TMEM243: variants seen among roughly 807,000 people sequenced by gnomAD.
TMEM243 encodes transmembrane protein 243.
Under a neutral mutation model 15.0 loss-of-function variants are expected in TMEM243, and 20 were observed. That is an observed-to-expected ratio of 1.33 (90% CI 0.94 to 1.93). The LOEUF is 1.93. Among genes scored for constraint, TMEM243 ranks in the 30% most tolerant of loss-of-function variants. The pLI, the probability that TMEM243 is intolerant of heterozygous loss-of-function variation, is 0.00. For synonymous variants in TMEM243, 72 were observed against 52.7 expected, an observed-to-expected ratio of 1.37 and a Z score of -1.59; for missense variants, 156 against 142.1, an observed-to-expected ratio of 1.10 and a Z score of -0.50.
intron 3 of TMEM243, chr7:87,197,688 ATTTTTTTT>A (rs71906317): frequency 2.7e-5 from 27 of 982,070 alleles, no homozygotes; most frequent in East Asian, 9.5e-5. Flanking sequence ...CTTTCCACTA[ATTTTTTTT>A]TTTTTTTTTT....
chr7:87,202,026 A>G (rs992558507), intron 1 of TMEM243, among the ~76,000 whole-genome samples: 2 of 152,232 alleles, frequency 1.3e-5, no homozygotes, highest in African/African-American at 2.4e-5. Flanking sequence ...ATACATGAAC[A>G]TAAAGACAGA....
At chr7:87,213,934 C>T (rs1239593801) in intron 1 of TMEM243, among the ~76,000 whole-genome samples, 1 of 152,176 alleles carries the variant, frequency 6.6e-6, no homozygotes, top group Non-Finnish European at 1.5e-5. Context: ...TATGTACCTT[C>T]TCCCCAAATC....
chr7:87,198,964 A>G, intron 2 of TMEM243, 43 bp downstream of exon 2: 1 of 1,512,078 alleles, frequency 6.6e-7, no homozygotes, highest in South Asian at 1.3e-5. Flanking sequence ...AGTTTTCAAA[A>G]CTGGCTAAGA....
intron 1 of TMEM243, among the ~76,000 whole-genome samples, chr7:87,204,812 G>A (rs1802087056): frequency 1.3e-5 from 2 of 152,202 alleles, no homozygotes; most frequent in Non-Finnish European, 2.9e-5. Context: ...GGAGGATGGT[G>A]GCCTTCTCAC....
Position 87,219,713 on chromosome 7 carries a change from G to T in TMEM243, c.-210C>A, listed in dbSNP as rs916529815. On this transcript the variant is annotated 5_prime_UTR_variant, in exon 1 of 4. Transcript: ENST00000257637. Reference sequence around the variant, plus strand: ...CCGGCCCCGCGCACCTCCTCATCTTGAGCAGCTGCCGCAGGAAGTGAAAGG... The same window carrying T: ...CCGGCCCCGCGCACCTCCTCATCTTTAGCAGCTGCCGCAGGAAGTGAAAGG... 1 of 580,390 alleles carries T rather than the reference G, an allele frequency of 1.7e-6. No homozygotes were observed. 36.0% of individuals were successfully genotyped at this position (580,390 alleles called of 1,614,324 possible).
At chr7:87,213,712 T>C (rs1802915988) in intron 1 of TMEM243, among the ~76,000 whole-genome samples, 1 of 152,170 alleles carries the variant, frequency 6.6e-6, no homozygotes, top group Admixed American at 6.5e-5. Context: ...GGCCAAATGC[T>C]CCAAGTTTGA....
chr7:87,201,553 A>G (rs1426835241), intron 1 of TMEM243, among the ~76,000 whole-genome samples: 1 of 152,204 alleles, frequency 6.6e-6, no homozygotes, highest in Non-Finnish European at 1.5e-5. Flanking sequence ...CAGCTCTTCT[A>G]GCTCCCAATC....
chr7:87,208,369 A>C (rs751834793), intron 1 of TMEM243, among the ~76,000 whole-genome samples: 11 of 152,234 alleles, frequency 7.2e-5, no homozygotes, highest in Non-Finnish European at 1.6e-4. Context: ...GCCCCATGCA[A>C]ATCCAAAAAC....
At chr7:87,207,953 CT>C (rs1802348446) in intron 1 of TMEM243, among the ~76,000 whole-genome samples, 2 of 152,122 alleles carry the variant, frequency 1.3e-5, no homozygotes, top group Non-Finnish European at 2.9e-5. Flanking sequence ...GCTCATGAGA[CT>C]TATTTACCAC....
intron 1 of TMEM243, among the ~76,000 whole-genome samples, chr7:87,212,326 C>T (rs932827730): frequency 6.6e-6 from 1 of 152,192 alleles, no homozygotes; most frequent in African/African-American, 2.4e-5. Context: ...ATTTCAAATG[C>T]ATTCCACCAT....
At chr7:87,198,160 C>T (rs1214578121) in intron 2 of TMEM243, 115 bp from the exon 3 acceptor site, 1 of 803,408 alleles carries the variant, frequency 1.2e-6, no homozygotes, top group East Asian at 2.7e-5. Context: ...ATTACATCTG[C>T]CACCAAGTTT....
intron 1 of TMEM243, among the ~76,000 whole-genome samples, chr7:87,209,967 G>A (rs1280258538): frequency 6.7e-5 from 8 of 118,942 alleles, no homozygotes; most frequent in Admixed American, 5.9e-4. Flanking sequence ...AGAGGAGGGG[G>A]AGGGGGGACA....
chr7:87,210,331 T>G (rs957368683), intron 1 of TMEM243, among the ~76,000 whole-genome samples: 1 of 152,114 alleles, frequency 6.6e-6, no homozygotes, highest in African/African-American at 2.4e-5. Flanking sequence ...TTCTCACATT[T>G]CAAAACCAAT....
chr7:87,197,675 C>T lies in TMEM243; in HGVS notation c.234+266G>A, dbSNP rs1489646569. ...GTAAATTAAAATCTTTGGCCACCTA[C>T]GTCTTTCCACTAATTTTTTTTTTTT... is the stretch of plus-strand genomic sequence containing the variant. On this transcript the variant is annotated intron_variant, in intron 3 of 3. Coordinates refer to ENST00000257637, the MANE Select transcript of TMEM243 (RefSeq NM_024315.4). 3.5e-5 allele frequency: 45 copies of T among 1,298,092 alleles called. No individual in the cohort carries two copies. The South Asian group carries it at 4.5e-4, about 13-fold the overall frequency. 80.4% of individuals were successfully genotyped at this position (1,298,092 alleles called of 1,614,324 possible). A position where few individuals can be genotyped will look rare whatever the true frequency, so the allele number is the denominator to read the frequency against.
At chr7:87,198,851 G>T in intron 2 of TMEM243, 156 bp downstream of exon 2, 1 of 593,792 alleles carries the variant, frequency 1.7e-6, no homozygotes, top group Non-Finnish European at 2.9e-6. Context: ...CTGGGGGTGG[G>T]GCAGAATTAA....
chr7:87,204,639 T>C (rs1010621040), intron 1 of TMEM243, among the ~76,000 whole-genome samples: 21 of 152,228 alleles, frequency 1.4e-4, no homozygotes, highest in Non-Finnish European at 2.8e-4. Context: ...ATCCAGGTCA[T>C]GCTGATGCAA....
intron 1 of TMEM243, 54 bp downstream of exon 1, chr7:87,219,372 G>A: frequency 1.9e-6 from 3 of 1,566,756 alleles, no homozygotes; most frequent in South Asian, 2.2e-5. Flanking sequence ...TCCGCCAGAG[G>A]GCAGGCAGCA....
chr7:87,196,864 A>G (rs1259712133), intron 3 of TMEM243, 106 bp from the exon 4 acceptor site: 3 of 747,376 alleles, frequency 4.0e-6, no homozygotes, highest in Non-Finnish European at 6.3e-6. Flanking sequence ...TGAGACAGAC[A>G]TTCTCCATAT....
chr7:87,207,315 G>GATGGACAATGCCATGAAGACATTC (rs1394608013), intron 1 of TMEM243, among the ~76,000 whole-genome samples: 3 of 43,188 alleles, frequency 6.9e-5, no homozygotes, highest in Admixed American at 1.8e-4. Flanking sequence ...GCAAAAGCCG[G>GATGGACAATGCCATGAAGACATTC]CCGGGCGCGG....
Sources: gnomAD v4.1 joint callset for allele counts (sites outside exome capture counted in the v4.1 genomes callset) on GRCh38, gnomAD v4.1.1 for gene constraint, MANE v1.5 for transcripts, NCBI Gene and HGNC (gene_info 2026-07-23, HGNC 2026-07-21) for gene names.